The following ADAMTSL1 variants were observed in gnomAD, a reference collection of about 807,000 sequenced individuals.
ADAMTSL1 encodes the protein ADAMTS-like protein 1.
A neutral mutation model predicts 201.8 loss-of-function variants in ADAMTSL1; 126 were observed. That is an observed-to-expected ratio of 0.62 (90% CI 0.54 to 0.72). The LOEUF (loss-of-function observed/expected upper bound fraction) is 0.72, where lower values mean the gene tolerates loss of function less well. Ranked by LOEUF, ADAMTSL1 falls within the 30% of genes least tolerant of loss-of-function variation. ADAMTSL1 has a pLI of 0.00. For synonymous variants in ADAMTSL1, 1,121 were observed against 903.4 expected (o/e 1.24, Z -4.32); for missense variants, 2,679 against 2,277.8 (o/e 1.18, Z -3.59).
intron 1 of ADAMTSL1, among the ~76,000 whole-genome samples, chr9:18,018,512 G>A (rs759066112): frequency 6.6e-6 from 1 of 152,056 alleles, no homozygotes; most frequent in African/African-American, 2.4e-5. Context: ...ATTATAAAAG[G>A]CTGTGGTTTT....
chr9:18,524,693 G>A (rs1392039802), intron 2 of ADAMTSL1, among the ~76,000 whole-genome samples: 1 of 152,174 alleles, frequency 6.6e-6, no homozygotes, highest in Non-Finnish European at 1.5e-5. Flanking sequence ...CATCTATTGA[G>A]ATAATCATGT....
At chr9:18,520,951 A>AT (rs965798989) in intron 2 of ADAMTSL1, among the ~76,000 whole-genome samples, 13 of 152,206 alleles carry the variant, frequency 8.5e-5, no homozygotes, top group African/African-American at 1.9e-4. Flanking sequence ...AGAAAGAGAG[A>AT]TTTTTTATAT....
intron 7 of ADAMTSL1, 81 bp downstream of exon 7, chr9:18,639,492 T>C (rs1411745593): frequency 6.6e-7 from 1 of 1,525,048 alleles, no homozygotes; most frequent in Non-Finnish European, 8.9e-7. Context: ...AGAGCGATTT[T>C]TGGTTCTGAC....
rs923632152 is a variant in ADAMTSL1 at position 18,435,275 on chromosome 9, C to G, written c.208-69554C>G. Among the ~76,000 whole-genome samples the G allele has an allele frequency of 3.3e-5, 5 of 152,236 alleles. No individual in the cohort carries two copies. The South Asian group carries it at 6.2e-4, about 19-fold the overall frequency. On this transcript the variant is annotated intron_variant, in intron 2 of 29. Coordinates refer to the ADAMTSL1 transcript ENST00000680146. ...GCCTCTGTCACTATAGAATTTATAT[C>G]TTTAGTCTCTTCATAAGTGAGAAAA...
chr9:18,657,658 C>T lies in ADAMTSL1; in HGVS notation c.854C>T (p.Ala285Val), dbSNP rs267602193. 6.2e-7 allele frequency: 1 copy of T among 1,614,202 alleles called. No individual in the cohort carries two copies. The highest frequency in any genetic ancestry group is 2.2e-5 in the East Asian group (1 of 44,884). The change falls in exon 8 of 29, where the codon GCT becomes GTT. Residue 285 changes from alanine to valine, a missense_variant. Transcript: ENST00000380548. ...FIVKIRNSGS[A>V]DSTVQFIFYQ... ...CTGCAGATTCGTAACTCGGGCTCCG[C>T]TGACAGTACAGTCCAGTTCATCTTC...
intron 23 of ADAMTSL1, among the ~76,000 whole-genome samples, chr9:18,850,740 T>G (rs1826439864): frequency 6.6e-6 from 1 of 152,152 alleles, no homozygotes; most frequent in African/African-American, 2.4e-5. Flanking sequence ...CTAGCCCCAG[T>G]CAACCTACCG....
At chr9:18,627,568 A>G (rs530298843) in intron 5 of ADAMTSL1, among the ~76,000 whole-genome samples, 7 of 152,252 alleles carry the variant, frequency 4.6e-5, no homozygotes, top group African/African-American at 1.4e-4. Flanking sequence ...TCTTTCTTCA[A>G]TTTTGATTTT....
chr9:18,603,408 ATGCTATGCTATACTG>A (rs1294286991), intron 4 of ADAMTSL1, among the ~76,000 whole-genome samples: 1 of 143,972 alleles, frequency 6.9e-6, no homozygotes, highest in East Asian at 2.0e-4. Context: ...ATGCTATGCT[ATGCTATGCTATACTG>A]TGCTATACTG....
chr9:18,194,454 C>G (rs1487346659), intron 2 of ADAMTSL1, among the ~76,000 whole-genome samples: 1 of 152,040 alleles, frequency 6.6e-6, no homozygotes, highest in Non-Finnish European at 1.5e-5. Context: ...ATCTCATGGT[C>G]CCCTGCGCTG....
At chr9:17,932,009 G>A (rs1378831694) in intron 1 of ADAMTSL1, among the ~76,000 whole-genome samples, 1 of 152,190 alleles carries the variant, frequency 6.6e-6, no homozygotes, top group Non-Finnish European at 1.5e-5. Flanking sequence ...GACCCCTGCT[G>A]TTTGGAGAAT....
intron 1 of ADAMTSL1, among the ~76,000 whole-genome samples, chr9:17,939,164 A>G (rs1778166): frequency 1 from 151,653 of 152,208 alleles, 75,551 homozygotes; most frequent in Middle Eastern, 1. Flanking sequence ...TTCAGTCTCC[A>G]GAAAATTCTC....
chr9:18,036,697 T>G (rs1821213763), intron 1 of ADAMTSL1, among the ~76,000 whole-genome samples: 1 of 152,192 alleles, frequency 6.6e-6, no homozygotes, highest in South Asian at 2.1e-4. Context: ...TATCTTCGTT[T>G]GGTAAAGACC....
chr9:18,705,985 A>G (rs924831732), intron 13 of ADAMTSL1, among the ~76,000 whole-genome samples: 2 of 152,330 alleles, frequency 1.3e-5, no homozygotes, highest in Admixed American at 1.3e-4. Flanking sequence ...GGAATTCAAG[A>G]GCTAGCTGAC....
At chr9:18,016,383 G>T (rs1424899057) in intron 1 of ADAMTSL1, among the ~76,000 whole-genome samples, 3 of 151,940 alleles carry the variant, frequency 2.0e-5, no homozygotes, top group African/African-American at 4.8e-5. Context: ...TCTTGTCATA[G>T]TTTCTAGTAT....
chr9:18,812,230 C>A (rs954684366), intron 20 of ADAMTSL1, among the ~76,000 whole-genome samples: 1 of 152,056 alleles, frequency 6.6e-6, no homozygotes, highest in Non-Finnish European at 1.5e-5. Context: ...GGGACAGACA[C>A]ATAGATCAGT....
At chr9:18,580,318 C>G (rs552446353) in intron 4 of ADAMTSL1, among the ~76,000 whole-genome samples, 25 of 152,162 alleles carry the variant, frequency 1.6e-4, no homozygotes, top group African/African-American at 5.5e-4. Flanking sequence ...TTAATAATTC[C>G]TGTGGTGAGT....
chr9:18,599,639 C>G lies in ADAMTSL1; in HGVS notation c.475-22604C>G, dbSNP rs188698496. Among the ~76,000 whole-genome samples, 17 of 152,090 alleles carry G rather than the reference C, an allele frequency of 1.1e-4. No homozygotes were observed. In the East Asian group the frequency reaches 2.7e-3, roughly 24 times the overall value. On this transcript the variant is annotated intron_variant, in intron 4 of 28. Transcript: ENST00000380548. The stretch of plus-strand genomic sequence containing the variant: ...TCAAAGTATCATTTTTTAGTTTTCT[C>G]CCTGAGTTTCGTGGCTCTAAAGCAG...
At position 18,182,516 on chromosome 9, in the gene ADAMTSL1, G is replaced by C. The variant is rs1051513940; in HGVS notation, c.207+18535G>C. 4.6e-5 allele frequency among the ~76,000 whole-genome samples: 7 copies of C among 152,160 alleles called. No individual in the cohort carries two copies. In the South Asian group the frequency reaches 1.2e-3, roughly 27 times the overall value. ...AGTGGAGGCTCTCACAACATGTCTT[G>C]TGGCTCTGTTTATATAAGGAGAAAT... On this transcript the variant is annotated intron_variant, in intron 2 of 29. Transcript: ENST00000680146.
chr9:18,092,275 G>A (rs1824056593), intron 1 of ADAMTSL1, among the ~76,000 whole-genome samples: 1 of 152,128 alleles, frequency 6.6e-6, no homozygotes, highest in African/African-American at 2.4e-5. Flanking sequence ...GGTACCCAAG[G>A]CTGTGAGAGC....
Sources: allele counts gnomAD v4.1 joint callset (sites outside exome capture counted in the v4.1 genomes callset), GRCh38; gene constraint gnomAD v4.1.1; transcripts MANE v1.5; gene names NCBI Gene and HGNC (gene_info 2026-07-23, HGNC 2026-07-21).